Variants in NLGN1 observed in about 807,000 individuals in gnomAD.
NLGN1 encodes the protein neuroligin-1.
A neutral mutation model predicts 65.5 loss-of-function variants in NLGN1; 12 were observed. The ratio of observed to expected loss-of-function variants is 0.18; its 90% CI spans 0.12 to 0.30. NLGN1 has a LOEUF of 0.30. NLGN1 is among the 10% of genes least tolerant of loss of function. The pLI, the probability that NLGN1 is intolerant of heterozygous loss-of-function variation, is 1.00. For missense variants in NLGN1, 750 were observed against 1,007.1 expected (o/e 0.74, Z 3.46); for synonymous variants, 350 against 359.5 (o/e 0.97, Z 0.30).
chr3:173,665,404 C>A (rs1398191196), intron 3 of NLGN1, among the ~76,000 whole-genome samples: 1 of 152,154 alleles, frequency 6.6e-6, no homozygotes, highest in African/African-American at 2.4e-5. Context: ...GTTAATTAAA[C>A]CTCTTCCCTT....
At chr3:174,020,709 G>A (rs748234774) in intron 4 of NLGN1, among the ~76,000 whole-genome samples, 2 of 152,118 alleles carry the variant, frequency 1.3e-5, no homozygotes, top group Non-Finnish European at 2.9e-5. Context: ...TTTCAGAGTA[G>A]TAGTTTGTGT....
intron 3 of NLGN1, among the ~76,000 whole-genome samples, chr3:173,760,538 T>A (rs1294270290): frequency 6.6e-6 from 1 of 152,152 alleles, no homozygotes; most frequent in South Asian, 2.1e-4. Flanking sequence ...ATTATATTTA[T>A]GTAATCTCTC....
intron 3 of NLGN1, among the ~76,000 whole-genome samples, chr3:173,767,309 G>A (rs541390584): frequency 2.0e-5 from 3 of 152,084 alleles, no homozygotes; most frequent in African/African-American, 2.4e-5. Flanking sequence ...AATCTAACAC[G>A]TATTTGACAC....
rs1579345445 is a variant in NLGN1, at chr3:173,946,577, C to T, written c.646+138745C>T. Among the ~76,000 whole-genome samples, 5 of 152,282 alleles carry T rather than the reference C, an allele frequency of 3.3e-5. No homozygotes were observed. In the Middle Eastern group the frequency reaches 0.017, roughly 518 times the overall value. On this transcript the variant is annotated intron_variant, in intron 4 of 6. Coordinates refer to ENST00000457714, the Ensembl canonical transcript of NLGN1. ...TAAATTATCTCTGTGCGGTTCACCT[C>T]ATGTTTTTAGTATAGATACCTAGCC...
chr3:173,453,374 G>T (rs1721964562), intron 2 of NLGN1, among the ~76,000 whole-genome samples: 1 of 151,006 alleles, frequency 6.6e-6, no homozygotes, highest in Non-Finnish European at 1.5e-5. Context: ...CTGGGATTGG[G>T]ATTGGTAGTT....
At chr3:173,400,024 T>C (rs1289138974) in intron 1 of NLGN1, among the ~76,000 whole-genome samples, 1 of 152,210 alleles carries the variant, frequency 6.6e-6, no homozygotes, top group East Asian at 1.9e-4. Flanking sequence ...ACCTAACAAA[T>C]ACTAATTTGT....
chr3:173,873,032 C>T (rs1220143575), intron 4 of NLGN1, among the ~76,000 whole-genome samples: 2 of 151,818 alleles, frequency 1.3e-5, no homozygotes, highest in African/African-American at 4.8e-5. Flanking sequence ...TCAATTGGGG[C>T]TGGCACGTGA....
At chr3:174,036,274 T>G (rs1040755025) in intron 4 of NLGN1, among the ~76,000 whole-genome samples, 1 of 152,212 alleles carries the variant, frequency 6.6e-6, no homozygotes, top group South Asian at 2.1e-4. Flanking sequence ...AACACACTCT[T>G]ATGTAGTACT....
intron 4 of NLGN1, among the ~76,000 whole-genome samples, chr3:173,927,882 C>A (rs1470000379): frequency 2.6e-5 from 4 of 152,162 alleles, no homozygotes; most frequent in Non-Finnish European, 4.4e-5. Flanking sequence ...TAGCATGCTT[C>A]TTCAGTGATA....
At chr3:173,585,450 G>A (rs1027116183) in intron 2 of NLGN1, among the ~76,000 whole-genome samples, 1 of 152,044 alleles carries the variant, frequency 6.6e-6, no homozygotes, top group African/African-American at 2.4e-5. Context: ...TTTTGCAGGG[G>A]GAATTGGCTG....
intron 3 of NLGN1, among the ~76,000 whole-genome samples, chr3:173,784,284 A>G (rs528021000): frequency 6.6e-6 from 1 of 152,288 alleles, no homozygotes; most frequent in South Asian, 2.1e-4. Context: ...GTGAATATTA[A>G]CATCTCTCCA....
chr3:173,957,267 G>A (rs4894639), intron 4 of NLGN1, among the ~76,000 whole-genome samples: 46,413 of 151,846 alleles, frequency 0.31, 8,401 homozygotes, highest in African/African-American at 0.5. Flanking sequence ...ATCTATATTA[G>A]GGCAAAAGGG....
intron 2 of NLGN1, among the ~76,000 whole-genome samples, chr3:173,574,381 A>G (rs922456790): frequency 9.2e-5 from 14 of 152,058 alleles, no homozygotes; most frequent in African/African-American, 2.6e-4. Flanking sequence ...CTGTCTTTCA[A>G]TTGAGGACAC....
At chr3:174,233,486 CATAATA>C (rs57467873) in intron 4 of NLGN1, among the ~76,000 whole-genome samples, 2,172 of 146,896 alleles carry the variant, frequency 0.015, 58 homozygotes, top group African/African-American at 0.051. Flanking sequence ...AACTCTGTCT[CATAATA>C]ATAATAATAA....
At chr3:173,408,483 C>T (rs1577315582) in intron 1 of NLGN1, among the ~76,000 whole-genome samples, 1 of 152,160 alleles carries the variant, frequency 6.6e-6, no homozygotes, top group Non-Finnish European at 1.5e-5. Flanking sequence ...AGTCACTCTC[C>T]ATAAAAACAG....
At chr3:174,257,624 G>A (rs1038361800) in intron 4 of NLGN1, among the ~76,000 whole-genome samples, 18 of 151,718 alleles carry the variant, frequency 1.2e-4, no homozygotes, top group Admixed American at 1.1e-3. Context: ...ATGGATCTGG[G>A]AGCCATTACC....
At chr3:174,014,420 T>C (rs1726139449) in intron 4 of NLGN1, among the ~76,000 whole-genome samples, 1 of 152,222 alleles carries the variant, frequency 6.6e-6, no homozygotes, top group African/African-American at 2.4e-5. Context: ...TTGTTCCTGT[T>C]CTTCACCGTC....
intron 4 of NLGN1, among the ~76,000 whole-genome samples, chr3:173,944,124 G>GTTGTCTGTGTGTGT (rs34721217): frequency 1.1e-4 from 16 of 139,510 alleles, no homozygotes; most frequent in African/African-American, 4.1e-4. Context: ...TAATATTATG[G>GTTGTCTGTGTGTGT]GTGTGTGTGT....
At chr3:173,463,524 A>G (rs1040288500) in intron 2 of NLGN1, among the ~76,000 whole-genome samples, 5 of 152,166 alleles carry the variant, frequency 3.3e-5, no homozygotes, top group Non-Finnish European at 7.3e-5. Flanking sequence ...GCCAATTATC[A>G]TTCATTTATT....
Sources: allele counts gnomAD v4.1 joint callset (sites outside exome capture counted in the v4.1 genomes callset), GRCh38; gene constraint gnomAD v4.1.1; transcripts MANE v1.5; gene names NCBI Gene and HGNC (gene_info 2026-07-23, HGNC 2026-07-21).